The following GRID2 variants were observed in gnomAD, a reference collection of about 807,000 sequenced individuals.
The protein encoded by GRID2 is glutamate receptor ionotropic, delta-2.
In GRID2, 33 loss-of-function variants were observed where a neutral mutation model predicts 114.8. That is an observed-to-expected ratio of 0.29 (90% CI 0.22 to 0.38). The LOEUF is 0.38. GRID2 is among the 10% of genes least tolerant of loss of function. The probability of loss-of-function intolerance (pLI) is 1.00; values close to 1 mark genes in which losing one functional copy is unlikely to be tolerated. For synonymous variants in GRID2, 505 were observed against 449.9 expected (o/e 1.12, Z -1.55); for missense variants, 1,184 against 1,257.7 (o/e 0.94, Z 0.89).
At chr4:92,770,489 G>A (rs1276373437) in intron 2 of GRID2, among the ~76,000 whole-genome samples, 2 of 152,036 alleles carry the variant, frequency 1.3e-5, no homozygotes, top group East Asian at 3.9e-4. Flanking sequence ...ATTTACTCTA[G>A]TCATCTGTTT....
chr4:92,932,550 C>A (rs1035965646), intron 2 of GRID2, among the ~76,000 whole-genome samples: 4 of 151,290 alleles, frequency 2.6e-5, no homozygotes, highest in Non-Finnish European at 5.9e-5. Context: ...CAAGCAACCC[C>A]ATTCCCAGAT....
rs148446989 is a variant in GRID2 at position 92,448,091 on chromosome 4, G to C, written c.89-142040G>C. ...AATGACCAGTGCAAAGACATGCTTG[G>C]GTAAAGCTTTTCTGTAGAGTAGTAG... On this transcript the variant is annotated intron_variant, in intron 1 of 15. Coordinates refer to ENST00000282020, the MANE Select transcript of GRID2 (RefSeq NM_001510.4). 1.4e-4 allele frequency among the ~76,000 whole-genome samples: 22 copies of C among 151,934 alleles called. 2 individuals are homozygous for C. In the East Asian group the frequency reaches 4.3e-3, roughly 29 times the overall value.
intron 2 of GRID2, among the ~76,000 whole-genome samples, chr4:92,845,928 T>A (rs767799894): frequency 2.6e-5 from 4 of 152,164 alleles, no homozygotes; most frequent in Non-Finnish European, 5.9e-5. Flanking sequence ...CCCTTCTTTC[T>A]GAACCCTGTT....
chr4:92,849,308 C>T (rs1265289223), intron 2 of GRID2, among the ~76,000 whole-genome samples: 1 of 151,874 alleles, frequency 6.6e-6, no homozygotes, highest in Non-Finnish European at 1.5e-5. Context: ...TCTGCAGGGC[C>T]TGGTTTCTCT....
chr4:92,809,461 T>C (rs2149377826), intron 2 of GRID2, among the ~76,000 whole-genome samples: 1 of 152,136 alleles, frequency 6.6e-6, no homozygotes, highest in East Asian at 1.9e-4. Flanking sequence ...ATTTGTGAGA[T>C]ACAGTAGTGA....
intron 8 of GRID2, among the ~76,000 whole-genome samples, chr4:93,359,912 A>T (rs1761731641): frequency 6.8e-6 from 1 of 148,108 alleles, no homozygotes; most frequent in Non-Finnish European, 1.5e-5. Flanking sequence ...TGGGGTCAAT[A>T]ATACAATCAA....
chr4:93,494,215 T>TG (rs1171797472), intron 12 of GRID2, among the ~76,000 whole-genome samples: 31 of 151,990 alleles, frequency 2.0e-4, no homozygotes, highest in Middle Eastern at 6.8e-3. Flanking sequence ...CATCACCAAA[T>TG]GAAGCTGCAG....
intron 13 of GRID2, among the ~76,000 whole-genome samples, chr4:93,519,158 A>G (rs1730097212): frequency 6.6e-6 from 1 of 152,140 alleles, no homozygotes; most frequent in South Asian, 2.1e-4. Context: ...TGTCTAGAAC[A>G]TCCTAAGTTG....
At chr4:92,792,788 G>A (rs1441422320) in intron 2 of GRID2, among the ~76,000 whole-genome samples, 1 of 151,594 alleles carries the variant, frequency 6.6e-6, no homozygotes, top group Non-Finnish European at 1.5e-5. Flanking sequence ...TTTTTTGAGT[G>A]GGAGTACTAA....
At chr4:92,384,650 A>AT (rs1729846608) in intron 1 of GRID2, among the ~76,000 whole-genome samples, 1 of 107,502 alleles carries the variant, frequency 9.3e-6, no homozygotes, top group Non-Finnish European at 1.8e-5. Context: ...TATATATAAT[A>AT]TATAGACATA....
intron 12 of GRID2, among the ~76,000 whole-genome samples, chr4:93,510,317 A>G (rs1729036550): frequency 6.6e-6 from 1 of 152,200 alleles, no homozygotes; most frequent in South Asian, 2.1e-4. Context: ...TTAATCTTAG[A>G]AGACAAAGAA....
At chr4:93,335,694 C>CTTTTTTTTTTTTTTTTTTTTTTTTTTT (rs55823712) in intron 8 of GRID2, among the ~76,000 whole-genome samples, 2 of 141,726 alleles carry the variant, frequency 1.4e-5, no homozygotes, top group African/African-American at 2.7e-5. Flanking sequence ...TTTCTTCTTT[C>CTTTTTTTTTTTTTTTTTTTTTTTTTTT]TTTTTTTTTT....
chr4:93,626,634 A>G (rs992992224), intron 14 of GRID2, among the ~76,000 whole-genome samples, 199 bp downstream of exon 14: 4 of 152,230 alleles, frequency 2.6e-5, no homozygotes, highest in African/African-American at 9.6e-5. Flanking sequence ...TGTTTTTTCC[A>G]TAAGTAGCGG....
chr4:92,749,310 CTTTTTT>C (rs68069370), intron 2 of GRID2, among the ~76,000 whole-genome samples: 5 of 72,026 alleles, frequency 6.9e-5, no homozygotes, highest in African/African-American at 2.7e-4. Flanking sequence ...TGATTTGTAG[CTTTTTT>C]TTTTTTTTTT....
chr4:93,241,070 A>G (rs1747454357), intron 8 of GRID2, among the ~76,000 whole-genome samples: 3 of 151,716 alleles, frequency 2.0e-5, no homozygotes, highest in Non-Finnish European at 4.4e-5. Flanking sequence ...TTCATGTGTC[A>G]ATAATTTTGC....
intron 2 of GRID2, among the ~76,000 whole-genome samples, chr4:92,655,344 A>C (rs1412453690): frequency 6.6e-6 from 1 of 151,714 alleles, no homozygotes; most frequent in Non-Finnish European, 1.5e-5. Flanking sequence ...TTTTACTCAG[A>C]GTTGCTTTGG....
rs368614300 is a variant in GRID2, at chr4:92,928,644, G to A, written c.245-156351G>A. Among the ~76,000 whole-genome samples, 27 of 151,584 alleles carry A rather than the reference G, an allele frequency of 1.8e-4. 1 individual carries two copies. In the East Asian group the frequency reaches 4.5e-3, roughly 25 times the overall value. On this transcript the variant is annotated intron_variant, in intron 2 of 15. Coordinates refer to ENST00000282020, the MANE Select transcript of GRID2 (RefSeq NM_001510.4). Reference sequence around the variant, plus strand: ...TTTATTTAAAGAAATGATATTTGTGGCCAAAAATTGGAAAGTGATATTTCG... The same window carrying A: ...TTTATTTAAAGAAATGATATTTGTGACCAAAAATTGGAAAGTGATATTTCG...
rs550774839 is a variant in GRID2 at position 93,222,639 on chromosome 4, C to T, written c.964-1975C>T. ...CCTCCCCCAACCCCACAACAGGCCC[C>T]GGTGTGTGATGTTCCCCATCCTGTG... On this transcript the variant is annotated intron_variant, in intron 6 of 15. Coordinates refer to ENST00000282020, the MANE Select transcript of GRID2 (RefSeq NM_001510.4). Among the ~76,000 whole-genome samples, 15 of 151,906 alleles carry T rather than the reference C, an allele frequency of 9.9e-5. No homozygotes were observed. The East Asian group carries it at 1.6e-3, about 16-fold the overall frequency.
At chr4:92,962,193 A>G (rs1456578310) in intron 2 of GRID2, among the ~76,000 whole-genome samples, 1 of 151,866 alleles carries the variant, frequency 6.6e-6, no homozygotes, top group Non-Finnish European at 1.5e-5. Context: ...GTGTCTCTTC[A>G]AACTGTGTGT....
Sources: gnomAD v4.1 joint callset for allele counts (sites outside exome capture counted in the v4.1 genomes callset) on GRCh38, gnomAD v4.1.1 for gene constraint, MANE v1.5 for transcripts, NCBI Gene and HGNC (gene_info 2026-07-23, HGNC 2026-07-21) for gene names.